The following P2RY12 variants were observed in gnomAD, a reference collection of about 807,000 sequenced individuals.
P2RY12 encodes the protein purinergic receptor P2Y12, also known as P2Y purinoceptor 12.
A neutral mutation model predicts 4.5 loss-of-function variants in P2RY12; 3 were observed. That is an observed-to-expected ratio of 0.67 (90% CI 0.31 to 1.74). The LOEUF is 1.74. Among genes scored for constraint, P2RY12 ranks in the 40% most tolerant of loss-of-function variants. The probability of loss-of-function intolerance (pLI) is 0.09; values close to 1 mark genes in which losing one functional copy is unlikely to be tolerated. For synonymous variants in P2RY12, 148 were observed against 154.1 expected (o/e 0.96, Z 0.29); for missense variants, 356 against 407.8 (o/e 0.87, Z 1.09).
intron 1 of P2RY12, chr3:151,384,130 G>A: frequency 6.2e-7 from 1 of 1,614,014 alleles, no homozygotes; most frequent in Non-Finnish European, 8.5e-7. Flanking sequence ...TTAATCAATG[G>A]AACGTTAGCC....
chr3:151,355,944 T>G (rs1560069470), intron 1 of P2RY12: 4 of 1,614,102 alleles, frequency 2.5e-6, no homozygotes, highest in Non-Finnish European at 2.5e-6. Context: ...GTCAGGAACA[T>G]CCTATCATCT....
At chr3:151,377,318 A>C in intron 1 of P2RY12, 1 of 679,320 alleles carries the variant, frequency 1.5e-6, no homozygotes, top group South Asian at 2.0e-5. Context: ...ATTATTAATA[A>C]GTTAATGAGT....
At chr3:151,341,796 C>T (rs1751868849) in intron 1 of P2RY12, among the ~76,000 whole-genome samples, 1 of 140,198 alleles carries the variant, frequency 7.1e-6, no homozygotes, top group Non-Finnish European at 1.5e-5. Flanking sequence ...TCTCATTGTT[C>T]AGTTCCCACC....
At chr3:151,341,809 T>G (rs995984316) in intron 1 of P2RY12, among the ~76,000 whole-genome samples, 4 of 149,696 alleles carry the variant, frequency 2.7e-5, no homozygotes, top group Admixed American at 6.7e-5. Flanking sequence ...TTCCCACCTA[T>G]GAGTGAGAAT....
At chr3:151,362,606 G>A (rs2150086991) in intron 1 of P2RY12, among the ~76,000 whole-genome samples, 1 of 152,092 alleles carries the variant, frequency 6.6e-6, no homozygotes, top group African/African-American at 2.4e-5. Context: ...ATTTATTTAT[G>A]GCCTGGCTCC....
intron 1 of P2RY12, among the ~76,000 whole-genome samples, chr3:151,381,021 T>A (rs1400249632): frequency 2.6e-5 from 4 of 152,222 alleles, no homozygotes; most frequent in African/African-American, 9.6e-5. Flanking sequence ...GGACATTGCC[T>A]TTTCACCAAA....
chr3:151,339,066 G>C (rs572879035), intron 2 of P2RY12, among the ~76,000 whole-genome samples: 1 of 152,244 alleles, frequency 6.6e-6, no homozygotes, highest in East Asian at 1.9e-4. Context: ...GAAATGATCT[G>C]AAGTACAATA....
intron 1 of P2RY12, among the ~76,000 whole-genome samples, chr3:151,356,940 G>T (rs1307806335): frequency 1.3e-5 from 2 of 152,066 alleles, no homozygotes; most frequent in Admixed American, 1.3e-4. Context: ...GAGGGGTGGG[G>T]TTTTCTAAAA....
At chr3:151,365,511 G>A (rs978730804) in intron 1 of P2RY12, among the ~76,000 whole-genome samples, 13 of 151,978 alleles carry the variant, frequency 8.6e-5, no homozygotes, top group African/African-American at 2.2e-4. Context: ...GAAAAAAACC[G>A]TATTTGGGTC....
chr3:151,376,709 C>A (rs1164387551), intron 1 of P2RY12: 2 of 1,040,590 alleles, frequency 1.9e-6, no homozygotes, highest in Non-Finnish European at 2.9e-6. Context: ...GATTATTCTG[C>A]TCTTTCTTGA....
At chr3:151,351,289 C>T (rs564449575) in intron 1 of P2RY12, among the ~76,000 whole-genome samples, 286 of 152,302 alleles carry the variant, frequency 1.9e-3, no homozygotes, top group African/African-American at 6.3e-3. Flanking sequence ...GTACAAGAGG[C>T]AGTGTGTTTC....
chr3:151,348,919 A>G (rs1053080676), intron 1 of P2RY12, among the ~76,000 whole-genome samples: 1 of 152,218 alleles, frequency 6.6e-6, no homozygotes, highest in African/African-American at 2.4e-5. Flanking sequence ...TGCCACTGCT[A>G]ATTAGGAACA....
At chr3:151,379,717 A>G (rs1319573185) in intron 1 of P2RY12, among the ~76,000 whole-genome samples, 1 of 152,368 alleles carries the variant, frequency 6.6e-6, no homozygotes, top group Admixed American at 6.5e-5. Flanking sequence ...CCCAGACTCT[A>G]AAACAAGAGT....
In P2RY12 at chr3:151,338,001, C is replaced by T. The variant is rs760509900; in HGVS notation, c.845G>A (p.Ser282Asn). The T allele has an allele frequency of 1.9e-6, 3 of 1,614,128 alleles. No homozygotes were observed. The highest frequency in any genetic ancestry group is 1.3e-5 in the African/African-American group (1 of 75,052). Reference sequence around the variant, plus strand: ...ATTTAAGGAAGTTAACCACAGAGTGCTCTCTTTCACATAGAACAGAGTATT... The same window carrying T: ...ATTTAAGGAAGTTAACCACAGAGTGTTCTCTTTCACATAGAACAGAGTATT... ...AENTLFYVKE[S>N]TLWLTSLNAC... is the part of the protein sequence containing the mutation. Residue 282 changes from serine (S) to asparagine (N), a missense_variant, in exon 3 of 3, where the codon AGC becomes AAC. Transcript: ENST00000302632.
intron 1 of P2RY12, chr3:151,369,416 A>C: frequency 6.6e-7 from 1 of 1,519,212 alleles, no homozygotes; most frequent in Non-Finnish European, 9.1e-7. Context: ...GAGACTATTA[A>C]AGATTTGTTG....
At position 151,338,256 on chromosome 3, in the gene P2RY12, A is replaced by G. The variant is rs1751299828; in HGVS notation, c.590T>C (p.Ile197Thr). 9.3e-6 allele frequency: 15 copies of G among 1,614,080 alleles called. No homozygotes were observed. Among genetic ancestry groups the G allele is most frequent in the Non-Finnish European group, 1.3e-5 (15 of 1,179,964 alleles). ...HEIVNYICQVIFWINFLIVIV... is the reference protein window; with the variant it reads ...HEIVNYICQVTFWINFLIVIV... ...AACAATTAAGAAATTAATCCAGAAA[A>G]TGACTTGACAGATGTAATTTACTAT... The change falls in exon 3 of 3, where the codon ATT (isoleucine) becomes ACT (threonine). Residue 197 changes from isoleucine (I) to threonine (T), a missense_variant. Coordinates refer to ENST00000302632, the MANE Select transcript of P2RY12 (RefSeq NM_022788.5).
intron 1 of P2RY12, chr3:151,357,474 C>T: frequency 1.9e-6 from 2 of 1,078,242 alleles, no homozygotes; most frequent in South Asian, 2.2e-5. Context: ...AGTACTGATA[C>T]CTGTTTTAGT....
At chr3:151,376,874 T>C (rs1756917097) in intron 1 of P2RY12, 1 of 1,613,914 alleles carries the variant, frequency 6.2e-7, no homozygotes, top group Non-Finnish European at 8.5e-7. Context: ...TGAAGGACCC[T>C]GTGAGTTTAT....
At chr3:151,366,466 C>T (rs1024332432) in intron 1 of P2RY12, among the ~76,000 whole-genome samples, 5 of 152,072 alleles carry the variant, frequency 3.3e-5, no homozygotes, top group East Asian at 3.8e-4. Context: ...CGAGGATGTC[C>T]GGTGTTTTTT....
Sources: allele counts gnomAD v4.1 joint callset (sites outside exome capture counted in the v4.1 genomes callset), GRCh38; gene constraint gnomAD v4.1.1; transcripts MANE v1.5; gene names NCBI Gene and HGNC (gene_info 2026-07-23, HGNC 2026-07-21).